The following PELI2 variants were observed in gnomAD, a reference collection of about 807,000 sequenced individuals.
PELI2 encodes the protein E3 ubiquitin-protein ligase pellino homolog 2.
In PELI2, 23 loss-of-function variants were observed where a neutral mutation model predicts 42.3. The ratio of observed to expected loss-of-function variants is 0.54; its 90% CI spans 0.39 to 0.77. The LOEUF is 0.77. PELI2 is among the 30% of genes least tolerant of loss of function. The probability of loss-of-function intolerance (pLI) is 0.00; values close to 1 mark genes in which losing one functional copy is unlikely to be tolerated. For missense variants in PELI2, 463 were observed against 553.2 expected (o/e 0.84, Z 1.64); for synonymous variants, 245 against 212.2 (o/e 1.15, Z -1.34).
In PELI2 at chr14:56,266,689, A is replaced by G. The variant is rs537925332; in HGVS notation, c.208-12987A>G. On this transcript the variant is annotated intron_variant, in intron 2 of 5. Coordinates refer to ENST00000267460, the MANE Select transcript of PELI2 (RefSeq NM_021255.3). ...AAAAGTAGTTTGACAATAACTATCA[A>G]TATCAGAAGTGGACATACCATGTAC... Among the ~76,000 whole-genome samples, 19 of 152,178 alleles carry G rather than the reference A, an allele frequency of 1.2e-4. No homozygotes were observed. The East Asian group carries it at 3.5e-3, about 28-fold the overall frequency.
chr14:56,210,537 A>G (rs1886677487), intron 2 of PELI2, among the ~76,000 whole-genome samples: 1 of 152,176 alleles, frequency 6.6e-6, no homozygotes, highest in Admixed American at 6.5e-5. Context: ...GCAGAAACAA[A>G]AATTGTGGAA....
At position 56,290,264 on chromosome 14, in the gene PELI2, C is replaced by G. The variant is rs1889783879; in HGVS notation, c.508-4C>G. ...CTTTTTCTGTTCTGCTGTGTTCTCT[C>G]CAGGAAAAGGCAGCAAAGTGGAAAA... is the stretch of plus-strand genomic sequence containing the variant. On this transcript the variant is annotated splice_polypyrimidine_tract_variant and splice_region_variant and intron_variant, in intron 4 of 5. Coordinates refer to ENST00000267460, the MANE Select transcript of PELI2 (RefSeq NM_021255.3). 1 of 1,573,174 alleles carries G rather than the reference C, an allele frequency of 6.4e-7. No homozygotes were observed. Among genetic ancestry groups the G allele is most frequent in the Non-Finnish European group, 8.7e-7 (1 of 1,154,406 alleles).
intron 1 of PELI2, among the ~76,000 whole-genome samples, chr14:56,153,532 A>G (rs1884441725): frequency 6.6e-6 from 1 of 152,206 alleles, no homozygotes; most frequent in South Asian, 2.1e-4. Context: ...AATGTTTTCA[A>G]AAGAGTGTCC....
chr14:56,249,115 A>G (rs1031002575), intron 2 of PELI2, among the ~76,000 whole-genome samples: 1 of 152,116 alleles, frequency 6.6e-6, no homozygotes, highest in African/African-American at 2.4e-5. Context: ...GGAAGTGTGT[A>G]TTGGCTTCAA....
intron 2 of PELI2, among the ~76,000 whole-genome samples, chr14:56,194,328 T>G (rs1188241293): frequency 6.6e-6 from 1 of 152,134 alleles, no homozygotes; most frequent in Non-Finnish European, 1.5e-5. Flanking sequence ...TTTCCTGTCT[T>G]TGGCTGTGGT....
At chr14:56,216,913 C>G (rs1886926541) in intron 2 of PELI2, among the ~76,000 whole-genome samples, 1 of 152,186 alleles carries the variant, frequency 6.6e-6, no homozygotes, top group African/African-American at 2.4e-5. Flanking sequence ...ATTTTGCTTA[C>G]CTATATAATA....
chr14:56,239,176 C>T (rs1170978293), intron 2 of PELI2, among the ~76,000 whole-genome samples: 2 of 152,204 alleles, frequency 1.3e-5, no homozygotes, highest in African/African-American at 4.8e-5. Context: ...TATTAAACCA[C>T]AAATGATATT....
chr14:56,158,602 G>A (rs1242475093), intron 1 of PELI2, among the ~76,000 whole-genome samples: 1 of 151,902 alleles, frequency 6.6e-6, no homozygotes, highest in African/African-American at 2.4e-5. Context: ...CTGTCCACCT[G>A]CCTTGACCTC....
intron 1 of PELI2, among the ~76,000 whole-genome samples, chr14:56,126,061 T>C (rs752449988): frequency 6.6e-6 from 1 of 152,234 alleles, no homozygotes; most frequent in Admixed American, 6.5e-5. Flanking sequence ...AAACATGTGC[T>C]TTACTGACAT....
intron 5 of PELI2, among the ~76,000 whole-genome samples, 163 bp from the exon 6 acceptor site, chr14:56,296,437 A>G (rs1890004124): frequency 6.6e-6 from 1 of 152,194 alleles, no homozygotes; most frequent in South Asian, 2.1e-4. Flanking sequence ...GAGGAAGATG[A>G]GGCTCGGGGA....
chr14:56,206,783 A>G (rs1276404947), intron 2 of PELI2, among the ~76,000 whole-genome samples: 13 of 151,994 alleles, frequency 8.6e-5, no homozygotes, highest in East Asian at 1.9e-4. Flanking sequence ...TATGGCTCTT[A>G]TACACTGACT....
chr14:56,229,523 T>C lies in PELI2; in HGVS notation c.208-50153T>C, dbSNP rs576941299. 2.4e-3 allele frequency among the ~76,000 whole-genome samples: 360 copies of C among 152,330 alleles called. 1 individual carries two copies. The highest frequency in any genetic ancestry group is 8.2e-3 in the African/African-American group (340 of 41,582). On this transcript the variant is annotated intron_variant, in intron 2 of 5. Coordinates refer to ENST00000267460, the MANE Select transcript of PELI2 (RefSeq NM_021255.3). ...CAGCAAACTCCAACAGACCTGCAGC[T>C]GAGGGTCCTGACTGTTAGAAGGAAA...
Position 56,271,837 on chromosome 14 carries a change from G to A in PELI2, c.208-7839G>A, listed in dbSNP as rs555092410. 3.9e-5 allele frequency among the ~76,000 whole-genome samples: 6 copies of A among 152,276 alleles called. No homozygotes were observed. The East Asian group carries it at 1.2e-3, about 29-fold the overall frequency. ...CTGACTTCTTCACAGAGAGCAGATC[G>A]CGTGAGCCCAGGCAGAGTGAGGAGA... On this transcript the variant is annotated intron_variant, in intron 2 of 5. Coordinates refer to ENST00000267460, the MANE Select transcript of PELI2 (RefSeq NM_021255.3).
chr14:56,249,305 T>C (rs1486252195), intron 2 of PELI2, among the ~76,000 whole-genome samples: 1 of 152,178 alleles, frequency 6.6e-6, no homozygotes, highest in Admixed American at 6.5e-5. Flanking sequence ...GTTCCCTCTT[T>C]CATTTAACAT....
chr14:56,258,993 A>G (rs1267100245), intron 2 of PELI2, among the ~76,000 whole-genome samples: 2 of 152,106 alleles, frequency 1.3e-5, no homozygotes, highest in Non-Finnish European at 2.9e-5. Flanking sequence ...GAGAAACAAA[A>G]TTAAGAATGA....
Position 56,299,154 on chromosome 14 carries a change from A to G in PELI2, c.*1988A>G, listed in dbSNP as rs549600766. 2.0e-5 allele frequency: 3 copies of G among 152,306 alleles called. No individual in the cohort carries two copies. Among genetic ancestry groups the G allele is most frequent in the East Asian group, 1.9e-4 (1 of 5,176 alleles). The allele number at this position is 152,306 out of a possible 1,614,324, so 9.4% of individuals were successfully genotyped here. ...GAAGGATTCTTGATGCCCTAAAACC[A>G]TCTTGTAAGCTAAATGGTCTTGCAT... On this transcript the variant is annotated 3_prime_UTR_variant, in exon 6 of 6. Coordinates refer to ENST00000267460, the MANE Select transcript of PELI2 (RefSeq NM_021255.3).
intron 2 of PELI2, among the ~76,000 whole-genome samples, chr14:56,266,847 A>G (rs1239709810): frequency 1.3e-5 from 2 of 152,090 alleles, no homozygotes; most frequent in Non-Finnish European, 2.9e-5. Flanking sequence ...GCCTGCTAAA[A>G]AAGATGCATT....
intron 2 of PELI2, among the ~76,000 whole-genome samples, chr14:56,241,305 A>G (rs891703328): frequency 6.6e-6 from 1 of 152,222 alleles, no homozygotes; most frequent in African/African-American, 2.4e-5. Context: ...CTCAAAAAGT[A>G]GAACAATTGG....
intron 2 of PELI2, among the ~76,000 whole-genome samples, chr14:56,193,882 A>C (rs548892629): frequency 2.0e-5 from 3 of 152,314 alleles, no homozygotes; most frequent in East Asian, 3.9e-4. Context: ...CTAGAATGTT[A>C]GGAAGATTCT....
Sources: gnomAD v4.1 joint callset for allele counts (sites outside exome capture counted in the v4.1 genomes callset) on GRCh38, gnomAD v4.1.1 for gene constraint, MANE v1.5 for transcripts, NCBI Gene and HGNC (gene_info 2026-07-23, HGNC 2026-07-21) for gene names.